PARD3: variants seen among roughly 807,000 people sequenced by gnomAD.
The protein encoded by PARD3 is partitioning defective 3 homolog.
A neutral mutation model predicts 155.4 loss-of-function variants in PARD3; 75 were observed. The observed-to-expected ratio is 0.48, with a 90% CI of 0.40 to 0.58. PARD3 has a LOEUF of 0.58. Ranked by LOEUF, PARD3 falls within the 20% of genes least tolerant of loss-of-function variation. The pLI is 0.00. For synonymous variants in PARD3, 576 were observed against 610.5 expected, an observed-to-expected ratio of 0.94 and a Z score of 0.83; for missense variants, 1,642 against 1,721.7, an observed-to-expected ratio of 0.95 and a Z score of 0.82.
At chr10:34,238,589 CT>C in intron 22 of PARD3, among the ~76,000 whole-genome samples, 1 of 151,758 alleles carries the variant, frequency 6.6e-6, no homozygotes, top group South Asian at 2.1e-4. Context: ...AATACATGCC[CT>C]TAAAAAAAAA....
At chr10:34,291,457 ATTAT>A (rs1956671496) in intron 20 of PARD3, among the ~76,000 whole-genome samples, 1 of 152,168 alleles carries the variant, frequency 6.6e-6, no homozygotes, top group Admixed American at 6.5e-5. Flanking sequence ...TGTTCTTTTG[ATTAT>A]TTAATTACAC....
chr10:34,347,918 G>A (rs374673582), intron 15 of PARD3, 47 bp downstream of exon 15: 4 of 1,521,532 alleles, frequency 2.6e-6, no homozygotes, highest in Non-Finnish European at 3.6e-6. Context: ...GTAAACCAAT[G>A]AAAGCATCAA....
chr10:34,756,717 G>A (rs1273104825), intron 1 of PARD3, among the ~76,000 whole-genome samples: 1 of 152,004 alleles, frequency 6.6e-6, no homozygotes, highest in Non-Finnish European at 1.5e-5. Flanking sequence ...GCCTCCTTAA[G>A]TCTGGGATTA....
rs1015905281 is a variant in PARD3, at chr10:34,132,440, T to A, written c.3420-857A>T. ...GGGGAAAGTGAGACCAAAATCCAGA[T>A]TTTCTGGCTCCCAGTCCAACCCTCA... is the stretch of plus-strand genomic sequence containing the variant. On this transcript the variant is annotated intron_variant, in intron 22 of 24. Coordinates refer to ENST00000374788, the MANE Select transcript of PARD3 (RefSeq NM_001184785.2). Among the ~76,000 whole-genome samples the A allele has an allele frequency of 4.0e-5, 6 of 150,822 alleles. No homozygotes were observed. The East Asian group carries it at 9.9e-4, about 25-fold the overall frequency.
At chr10:34,287,247 A>C (rs994453434) in intron 20 of PARD3, among the ~76,000 whole-genome samples, 4 of 152,188 alleles carry the variant, frequency 2.6e-5, no homozygotes, top group Non-Finnish European at 4.4e-5. Context: ...TCAAATTTTA[A>C]TACATCATTT....
chr10:34,750,462 A>AACACACACACACACACACACAC (rs71033348), intron 1 of PARD3, among the ~76,000 whole-genome samples: 1 of 135,844 alleles, frequency 7.4e-6, no homozygotes, highest in Non-Finnish European at 1.6e-5. Context: ...CTCTCTTTCA[A>AACACACACACACACACACACAC]ACACACACAC....
At chr10:34,579,866 A>C (rs148600267) in intron 2 of PARD3, among the ~76,000 whole-genome samples, 1 of 151,146 alleles carries the variant, frequency 6.6e-6, no homozygotes, top group African/African-American at 2.4e-5. Context: ...TCGGCCTCCC[A>C]AAGTGCTGGG....
chr10:34,603,474 G>A (rs553466818), intron 2 of PARD3, among the ~76,000 whole-genome samples: 1 of 152,296 alleles, frequency 6.6e-6, no homozygotes, highest in African/African-American at 2.4e-5. Flanking sequence ...AATGTGAAGA[G>A]GAAGACAAAC....
intron 11 of PARD3, among the ~76,000 whole-genome samples, chr10:34,373,308 A>G (rs1441869332): frequency 1.3e-5 from 2 of 152,098 alleles, no homozygotes; most frequent in African/African-American, 4.8e-5. Context: ...CAAGAAAAAA[A>G]AAAAGTAGGT....
In PARD3 at chr10:34,348,064, A is replaced by G; in HGVS notation, c.2119T>C (p.Leu707=). The part of the protein sequence containing the change: ...PGPELPIETA[L]DDRERRISHS... Reference sequence around the variant, plus strand: ...GAAATTCTTCGTTCTCTATCATCCAACGCTGTTTCAATGGGCAGCTCAGGT... The same window carrying G: ...GAAATTCTTCGTTCTCTATCATCCAGCGCTGTTTCAATGGGCAGCTCAGGT... Residue 707 remains leucine (L), a synonymous_variant, in exon 15 of 25, where the codon TTG becomes CTG. Transcript: ENST00000374788. The G allele has an allele frequency of 6.2e-7, 1 of 1,612,782 alleles. No homozygotes were observed. Among genetic ancestry groups the G allele is most frequent in the Non-Finnish European group, 8.5e-7 (1 of 1,179,476 alleles).
At chr10:34,487,040 C>T (rs766621592) in intron 3 of PARD3, among the ~76,000 whole-genome samples, 18 of 152,000 alleles carry the variant, frequency 1.2e-4, no homozygotes, top group Non-Finnish European at 2.2e-4. Context: ...GACGTCATAA[C>T]TCAGAATTTT....
At chr10:34,366,181 T>C (rs1188279706) in intron 12 of PARD3, among the ~76,000 whole-genome samples, 1 of 152,216 alleles carries the variant, frequency 6.6e-6, no homozygotes, top group Non-Finnish European at 1.5e-5. Context: ...TTCGACTTAA[T>C]GATTTTTCCA....
intron 22 of PARD3, among the ~76,000 whole-genome samples, chr10:34,191,682 G>A (rs1950715719): frequency 6.6e-6 from 1 of 152,026 alleles, no homozygotes; most frequent in African/African-American, 2.4e-5. Context: ...TGGGAGCCTA[G>A]GGGGAGGGAG....
chr10:34,426,098 T>C (rs1353254163), intron 5 of PARD3, among the ~76,000 whole-genome samples: 1 of 152,232 alleles, frequency 6.6e-6, no homozygotes, highest in Non-Finnish European at 1.5e-5. Flanking sequence ...TATAGTATTA[T>C]ATTTTCAACC....
chr10:34,463,710 A>T (rs2077825174), intron 4 of PARD3, among the ~76,000 whole-genome samples: 1 of 152,210 alleles, frequency 6.6e-6, no homozygotes, highest in Admixed American at 6.5e-5. Context: ...AAAACATTAT[A>T]CAGTCATGCA....
At chr10:34,298,319 C>T (rs974514059) in intron 20 of PARD3, among the ~76,000 whole-genome samples, 2 of 152,160 alleles carry the variant, frequency 1.3e-5, no homozygotes, top group East Asian at 1.9e-4. Flanking sequence ...AAGACACTCG[C>T]GTTCACAGCA....
chr10:34,783,693 T>C (rs914469494), intron 1 of PARD3, among the ~76,000 whole-genome samples: 14 of 150,130 alleles, frequency 9.3e-5, no homozygotes, highest in Middle Eastern at 3.5e-3. Context: ...GTCACAAAAG[T>C]ATAATCAACC....
At chr10:34,798,958 C>T (rs12254635) in intron 1 of PARD3, among the ~76,000 whole-genome samples, 5 of 152,162 alleles carry the variant, frequency 3.3e-5, no homozygotes, top group African/African-American at 1.2e-4. Flanking sequence ...TACAGAAACA[C>T]CAATCTCCAA....
chr10:34,679,380 G>A (rs1184771925), intron 2 of PARD3, among the ~76,000 whole-genome samples: 1 of 152,098 alleles, frequency 6.6e-6, no homozygotes, highest in Admixed American at 6.5e-5. Flanking sequence ...TCAGCAGGGT[G>A]TGAGAGCACA....
Sources: gnomAD v4.1 joint callset for allele counts (sites outside exome capture counted in the v4.1 genomes callset) on GRCh38, gnomAD v4.1.1 for gene constraint, MANE v1.5 for transcripts, NCBI Gene and HGNC (gene_info 2026-07-23, HGNC 2026-07-21) for gene names.